The following LTBP1 variants were observed in gnomAD, a reference collection of about 807,000 sequenced individuals.
LTBP1 encodes the protein latent transforming growth factor beta binding protein 1.
Under a neutral mutation model 207.6 loss-of-function variants are expected in LTBP1, and 129 were observed. The observed-to-expected ratio is 0.62, with a 90% CI of 0.54 to 0.72. The LOEUF is 0.72. Ranked by LOEUF, LTBP1 falls within the 30% of genes least tolerant of loss-of-function variation. The pLI, the probability that LTBP1 is intolerant of heterozygous loss-of-function variation, is 0.00. For synonymous variants in LTBP1, 963 were observed against 833.7 expected, an observed-to-expected ratio of 1.16 and a Z score of -2.67; for missense variants, 2,281 against 2,217.2, an observed-to-expected ratio of 1.03 and a Z score of -0.58.
chr2:33,230,482 T>C (rs2091722688), intron 9 of LTBP1, among the ~76,000 whole-genome samples: 1 of 152,218 alleles, frequency 6.6e-6, no homozygotes, highest in South Asian at 2.1e-4. Flanking sequence ...GGAATTGTTA[T>C]AATTTGCTTC....
intron 3 of LTBP1, among the ~76,000 whole-genome samples, chr2:33,081,119 G>C (rs1326714699): frequency 1.4e-5 from 1 of 70,690 alleles, no homozygotes; most frequent in Non-Finnish European, 4.0e-5. Context: ...ATATACTGGG[G>C]GGAACTTAGC....
intron 5 of LTBP1, among the ~76,000 whole-genome samples, chr2:33,164,395 G>A (rs1277209874): frequency 2.1e-5 from 3 of 145,604 alleles, no homozygotes; most frequent in Non-Finnish European, 3.0e-5. Flanking sequence ...AAGAATAATG[G>A]CCCAACTATG....
intron 24 of LTBP1, among the ~76,000 whole-genome samples, chr2:33,330,150 A>T (rs994705602): frequency 9.2e-5 from 14 of 151,950 alleles, no homozygotes; most frequent in Admixed American, 4.6e-4. Context: ...TGGTATTAAA[A>T]TTTTTTTACC....
intron 32 of LTBP1, among the ~76,000 whole-genome samples, 170 bp from the exon 33 acceptor site, chr2:33,396,963 C>A (rs2095364252): frequency 6.6e-6 from 1 of 152,152 alleles, no homozygotes; most frequent in South Asian, 2.1e-4. Context: ...TATTTTTATG[C>A]TATTTTACAC....
At chr2:33,361,594 A>C (rs1413759932) in intron 28 of LTBP1, 79 bp downstream of exon 28, 9 of 1,030,878 alleles carry the variant, frequency 8.7e-6, no homozygotes, top group Non-Finnish European at 1.3e-5. Flanking sequence ...CTTGGGTTTC[A>C]CAGAATTAGA....
At chr2:32,953,538 A>G (rs1414413301) in intron 2 of LTBP1, among the ~76,000 whole-genome samples, 1 of 152,214 alleles carries the variant, frequency 6.6e-6, no homozygotes, top group African/African-American at 2.4e-5. Context: ...TCAAGTTCAC[A>G]CTAGGTCAAA....
intron 31 of LTBP1, among the ~76,000 whole-genome samples, chr2:33,388,335 A>G (rs1869451): frequency 0.075 from 11,367 of 152,212 alleles, 460 homozygotes; most frequent in Non-Finnish European, 0.088. Flanking sequence ...TGGTAAGGAC[A>G]GGAATTCCAA....
At chr2:33,131,279 G>A (rs781541971) in intron 4 of LTBP1, among the ~76,000 whole-genome samples, 16 of 152,140 alleles carry the variant, frequency 1.1e-4, no homozygotes, top group Admixed American at 2.6e-4. Flanking sequence ...TGGCTTTTGC[G>A]GGAGAGCTTG....
chr2:33,168,424 GAAAA>G (rs1378619738), intron 5 of LTBP1, among the ~76,000 whole-genome samples: 1 of 146,516 alleles, frequency 6.8e-6, no homozygotes, highest in Admixed American at 6.8e-5. Flanking sequence ...AAAGAAAAAA[GAAAA>G]AAAAGAAAAT....
chr2:33,163,967 A>AT (rs1010472999), intron 5 of LTBP1, among the ~76,000 whole-genome samples: 19 of 149,592 alleles, frequency 1.3e-4, no homozygotes, highest in Admixed American at 4.0e-4. Context: ...ATTGATTCTT[A>AT]TTTTTTTTTT....
intron 2 of LTBP1, among the ~76,000 whole-genome samples, chr2:33,016,108 G>A (rs927973184): frequency 6.6e-6 from 1 of 152,108 alleles, no homozygotes; most frequent in African/African-American, 2.4e-5. Flanking sequence ...GGAGAAGGGT[G>A]GGCTTGAAGG....
chr2:33,222,026 TA>T, intron 8 of LTBP1, 53 bp from the exon 9 acceptor site: 17 of 1,286,704 alleles, frequency 1.3e-5, no homozygotes, highest in Non-Finnish European at 1.9e-5. Flanking sequence ...TCACTTACAC[TA>T]GTCTAAGATT....
At chr2:33,127,727 A>G (rs941406444) in intron 4 of LTBP1, among the ~76,000 whole-genome samples, 4 of 152,218 alleles carry the variant, frequency 2.6e-5, no homozygotes, top group African/African-American at 9.6e-5. Context: ...TCAAGAGACA[A>G]TGGAGGGTTG....
intron 3 of LTBP1, among the ~76,000 whole-genome samples, chr2:33,103,035 G>A (rs1312158861): frequency 6.6e-6 from 1 of 151,928 alleles, no homozygotes; most frequent in African/African-American, 2.4e-5. Context: ...TTGTCTGTAT[G>A]CATAGTCTGT....
intron 11 of LTBP1, among the ~76,000 whole-genome samples, chr2:33,255,007 A>T (rs2147776989): frequency 6.9e-6 from 1 of 144,614 alleles, no homozygotes; most frequent in Admixed American, 7.0e-5. Flanking sequence ...TACATGTGCC[A>T]TGCTGGTGCG....
intron 20 of LTBP1, 124 bp from the exon 21 acceptor site, chr2:33,300,327 T>C (rs113454583): frequency 4.8e-6 from 4 of 837,454 alleles, no homozygotes; most frequent in African/African-American, 3.4e-5. Context: ...TACTAAAGTG[T>C]GTAGTGCCAG....
At chr2:33,059,369 C>G (rs1420863562) in intron 3 of LTBP1, among the ~76,000 whole-genome samples, 1 of 152,132 alleles carries the variant, frequency 6.6e-6, no homozygotes, top group Non-Finnish European at 1.5e-5. Flanking sequence ...TCAGCCTTCC[C>G]CAGTAATGAG....
rs2077212924 is a variant in LTBP1 at position 33,060,538 on chromosome 2, G to T, written c.863+39332G>T. Among the ~76,000 whole-genome samples, 4 of 151,566 alleles carry T rather than the reference G, an allele frequency of 2.6e-5. No homozygotes were observed. In the South Asian group the frequency reaches 8.4e-4, roughly 32 times the overall value. On this transcript the variant is annotated intron_variant, in intron 3 of 33. Transcript: ENST00000404816. ...GGGGGGTGTGTGTGTATGTATGTGT[G>T]TGTGTGTTTGGGGGGGATGTGTGTG...
intron 24 of LTBP1, among the ~76,000 whole-genome samples, chr2:33,319,386 G>A (rs1039122172): frequency 6.6e-6 from 1 of 151,622 alleles, no homozygotes; most frequent in Non-Finnish European, 1.5e-5. Context: ...CAACAAGAGT[G>A]AAACTACATC....
Sources: allele counts gnomAD v4.1 joint callset (sites outside exome capture counted in the v4.1 genomes callset), GRCh38; gene constraint gnomAD v4.1.1; transcripts MANE v1.5; gene names NCBI Gene and HGNC (gene_info 2026-07-23, HGNC 2026-07-21).